Variants in IQCM observed in about 807,000 individuals in gnomAD.
IQCM encodes the protein IQ motif containing M, also known as IQ domain-containing protein M.
In IQCM, 45 loss-of-function variants were observed where a neutral mutation model predicts 57.6. The ratio of observed to expected loss-of-function variants is 0.78; its 90% CI spans 0.62 to 1.00. The LOEUF is 1.00. Among genes scored for constraint, IQCM ranks in the 50% least tolerant of loss-of-function variants. The pLI is 0.00. For missense variants in IQCM, 468 were observed against 511.6 expected, an observed-to-expected ratio of 0.91 and a Z score of 0.82; for synonymous variants, 148 against 158.9, an observed-to-expected ratio of 0.93 and a Z score of 0.51.
At chr4:149,439,707 C>T (rs1352027417) in intron 12 of IQCM, among the ~76,000 whole-genome samples, 1 of 151,890 alleles carries the variant, frequency 6.6e-6, no homozygotes. Flanking sequence ...TAGGTTAAAT[C>T]CATTAATGAG....
intron 12 of IQCM, among the ~76,000 whole-genome samples, chr4:149,450,937 A>C (rs2111402257): frequency 6.6e-6 from 1 of 151,964 alleles, no homozygotes; most frequent in South Asian, 2.1e-4. Context: ...AGCACTGTTC[A>C]CAATAGCCAA....
chr4:149,675,999 CT>C lies in IQCM; in HGVS notation c.565+6118del, dbSNP rs1331801278. Reference sequence around the variant, plus strand: ...TGGTTATTATGTAGAGCATTATTAGCTTTTTTTCTTTTGAAAAAGTCTCTTA... The same window carrying C: ...TGGTTATTATGTAGAGCATTATTAGCTTTTTTCTTTTGAAAAAGTCTCTTA... On this transcript the variant is annotated intron_variant, in intron 7 of 13. Transcript: ENST00000636793. 3.9e-5 allele frequency among the ~76,000 whole-genome samples: 6 copies of C among 151,978 alleles called. No homozygotes were observed. The East Asian group carries it at 9.7e-4, about 25-fold the overall frequency.
chr4:149,758,852 G>T (rs1769233456), intron 2 of IQCM, among the ~76,000 whole-genome samples: 1 of 152,142 alleles, frequency 6.6e-6, no homozygotes, highest in African/African-American at 2.4e-5. Context: ...ATTGCTGGTG[G>T]GAATGCGAAA....
At chr4:149,774,626 A>T (rs1281379655) in intron 2 of IQCM, among the ~76,000 whole-genome samples, 1 of 152,072 alleles carries the variant, frequency 6.6e-6, no homozygotes, top group African/African-American at 2.4e-5. Flanking sequence ...CAGCCTCTGC[A>T]TATATACCTG....
intron 5 of IQCM, among the ~76,000 whole-genome samples, chr4:149,722,044 G>C (rs562618259): frequency 6.6e-6 from 1 of 152,066 alleles, no homozygotes; most frequent in Non-Finnish European, 1.5e-5. Context: ...CTGATGATTA[G>C]TGATATGGAG....
chr4:149,637,709 A>G (rs898815712), intron 7 of IQCM, among the ~76,000 whole-genome samples: 1 of 152,206 alleles, frequency 6.6e-6, no homozygotes, highest in Non-Finnish European at 1.5e-5. Flanking sequence ...AACAGAGAGT[A>G]CCTAAATCGA....
At chr4:149,538,901 A>G (rs1006441853) in intron 12 of IQCM, among the ~76,000 whole-genome samples, 1 of 152,054 alleles carries the variant, frequency 6.6e-6, no homozygotes, top group Admixed American at 6.6e-5. Context: ...GGGAAAAAAA[A>G]TGCTTGCAAA....
At chr4:149,553,574 A>C (rs1014271423) in intron 10 of IQCM, among the ~76,000 whole-genome samples, 2 of 152,186 alleles carry the variant, frequency 1.3e-5, no homozygotes, top group Non-Finnish European at 2.9e-5. Flanking sequence ...GCAGATTTCC[A>C]TAATATGTAG....
chr4:149,493,299 A>G (rs1560910391), intron 12 of IQCM, among the ~76,000 whole-genome samples: 1 of 152,102 alleles, frequency 6.6e-6, no homozygotes, highest in Non-Finnish European at 1.5e-5. Context: ...TTCTTACAAC[A>G]AAAACTTAAA....
intron 13 of IQCM, among the ~76,000 whole-genome samples, chr4:149,384,468 A>T (rs1731281829): frequency 6.6e-6 from 1 of 152,124 alleles, no homozygotes; most frequent in African/African-American, 2.4e-5. Flanking sequence ...TTGTCACTGG[A>T]GAGTAGTTGG....
intron 7 of IQCM, among the ~76,000 whole-genome samples, chr4:149,643,082 A>T (rs965291559): frequency 2.6e-5 from 4 of 152,160 alleles, no homozygotes; most frequent in African/African-American, 9.7e-5. Context: ...AGTTACATTC[A>T]ACCAAACAAG....
At chr4:149,673,396 C>A (rs1761477228) in intron 7 of IQCM, among the ~76,000 whole-genome samples, 1 of 151,990 alleles carries the variant, frequency 6.6e-6, no homozygotes, top group Non-Finnish European at 1.5e-5. Flanking sequence ...TGCAGAGACA[C>A]ACATAGGCTC....
At chr4:149,801,597 A>T (rs1773610023) in intron 2 of IQCM, among the ~76,000 whole-genome samples, 1 of 152,036 alleles carries the variant, frequency 6.6e-6, no homozygotes, top group Admixed American at 6.6e-5. Context: ...AACAACGTGG[A>T]TGCAGCTGGA....
intron 7 of IQCM, among the ~76,000 whole-genome samples, chr4:149,677,731 G>A (rs983648818): frequency 9.2e-5 from 14 of 151,754 alleles, no homozygotes; most frequent in Non-Finnish European, 1.5e-4. Flanking sequence ...TGAGCTCTTC[G>A]ACCAAGAACC....
intron 7 of IQCM, among the ~76,000 whole-genome samples, chr4:149,676,229 G>A (rs1019080826): frequency 1.1e-4 from 17 of 151,974 alleles, no homozygotes; most frequent in African/African-American, 3.6e-4. Flanking sequence ...CAGACTCCAC[G>A]AAGGGCTACA....
chr4:149,679,153 A>G (rs1386122747), intron 7 of IQCM, among the ~76,000 whole-genome samples: 1 of 151,698 alleles, frequency 6.6e-6, no homozygotes, highest in Non-Finnish European at 1.5e-5. Context: ...ACAGATGAGT[A>G]AAGAAAATGT....
At chr4:149,579,487 T>C (rs1751973817) in intron 9 of IQCM, among the ~76,000 whole-genome samples, 1 of 151,808 alleles carries the variant, frequency 6.6e-6, no homozygotes, top group African/African-American at 2.4e-5. Flanking sequence ...CCAATTAGGC[T>C]AGACTGGGAA....
At chr4:149,759,450 A>G (rs1769293536) in intron 2 of IQCM, among the ~76,000 whole-genome samples, 1 of 152,198 alleles carries the variant, frequency 6.6e-6, no homozygotes. Context: ...AATTGTAACA[A>G]ATATATCACT....
intron 9 of IQCM, among the ~76,000 whole-genome samples, chr4:149,576,924 C>T (rs1182210967): frequency 6.6e-6 from 1 of 151,730 alleles, no homozygotes; most frequent in African/African-American, 2.4e-5. Flanking sequence ...TTTAATAGTA[C>T]CCATTCTTAC....
Sources: gnomAD v4.1 joint callset for allele counts (sites outside exome capture counted in the v4.1 genomes callset) on GRCh38, gnomAD v4.1.1 for gene constraint, MANE v1.5 for transcripts, NCBI Gene and HGNC (gene_info 2026-07-23, HGNC 2026-07-21) for gene names.